Variants in FBXL14 observed in about 807,000 individuals in gnomAD.
FBXL14 encodes the protein F-box and leucine rich repeat protein 14.
FBXL14 carries 11 observed loss-of-function variants against 24.5 expected under a neutral mutation model. The observed-to-expected ratio is 0.45, with a 90% CI of 0.28 to 0.74. The LOEUF (loss-of-function observed/expected upper bound fraction) is 0.74. Among genes scored for constraint, FBXL14 ranks in the 30% least tolerant of loss-of-function variants. The probability of loss-of-function intolerance (pLI) is 0.12; values close to 1 mark genes in which losing one functional copy is unlikely to be tolerated. For missense variants in FBXL14, 384 were observed against 545.6 expected (o/e 0.70, Z 2.95); for synonymous variants, 294 against 240.4 (o/e 1.22, Z -2.06).
At chr12:1,572,439 A>G (rs1592457257) in intron 1 of FBXL14, among the ~76,000 whole-genome samples, 1 of 152,254 alleles carries the variant, frequency 6.6e-6, no homozygotes, top group South Asian at 2.1e-4. Context: ...TTTCAACACA[A>G]GAACATTTTG....
chr12:1,572,684 G>T (rs984078863), intron 1 of FBXL14, among the ~76,000 whole-genome samples: 1 of 152,192 alleles, frequency 6.6e-6, no homozygotes, highest in African/African-American at 2.4e-5. Context: ...CCCGGACAGC[G>T]TGCAGCAGAA....
chr12:1,566,705 G>A lies in FBXL14; in HGVS notation c.*43C>T. On this transcript the variant is annotated 3_prime_UTR_variant, in exon 2 of 2. Coordinates refer to ENST00000339235, the MANE Select transcript of FBXL14 (RefSeq NM_152441.3). ...CGGAGGCGCAGAGCGGGCAAGTCTG[G>A]AAGTTAAAGATCCACGGGAACCATG... The A allele has an allele frequency of 1.3e-6, 1 of 780,208 alleles. No individual in the cohort carries two copies. Among genetic ancestry groups the A allele is most frequent in the Non-Finnish European group, 2.4e-6 (1 of 417,740 alleles). The allele number at this position is 780,208 out of a possible 1,614,324, so 48.3% of individuals were successfully genotyped here.
intron 1 of FBXL14, among the ~76,000 whole-genome samples, chr12:1,585,786 C>T (rs559793313): frequency 6.6e-6 from 1 of 152,322 alleles, no homozygotes; most frequent in South Asian, 2.1e-4. Flanking sequence ...GTAACTAAAA[C>T]ATCTGTGAAG....
chr12:1,592,794 G>A, intron 1 of FBXL14, 79 bp downstream of exon 1: 1 of 1,212,396 alleles, frequency 8.2e-7, no homozygotes, highest in Non-Finnish European at 1.1e-6. Context: ...AAGTGTGCGT[G>A]TGAGTGTGTG....
rs531369140 is a variant in FBXL14 at position 1,573,944 on chromosome 12, T to G, written c.1195-7134A>C. On this transcript the variant is annotated intron_variant, in intron 1 of 1. Transcript: ENST00000339235. Reference sequence around the variant, plus strand: ...CGCTTGAACCTGGGAGGTGGAGGTTTTGGTGAGCTGAGATCGCACCATTGC... The same window carrying G: ...CGCTTGAACCTGGGAGGTGGAGGTTGTGGTGAGCTGAGATCGCACCATTGC... Among the ~76,000 whole-genome samples, 132 of 151,830 alleles carry G rather than the reference T, an allele frequency of 8.7e-4. 2 individuals carry two copies. The highest frequency in any genetic ancestry group is 2.2e-3 in the African/African-American group (92 of 41,392).
intron 1 of FBXL14, among the ~76,000 whole-genome samples, chr12:1,574,412 G>T (rs2154437810): frequency 1.5e-5 from 1 of 64,664 alleles, no homozygotes; most frequent in African/African-American, 7.5e-5. Context: ...GAGGCTGGCG[G>T]CAGTGGTGTG....
intron 1 of FBXL14, among the ~76,000 whole-genome samples, chr12:1,578,470 A>C: frequency 6.6e-6 from 1 of 151,720 alleles, no homozygotes; most frequent in Non-Finnish European, 1.5e-5. Flanking sequence ...GTGAAACCCC[A>C]TATCTACTAA....
chr12:1,586,761 T>G (rs988482355), intron 1 of FBXL14, among the ~76,000 whole-genome samples: 1 of 152,214 alleles, frequency 6.6e-6, no homozygotes, highest in African/African-American at 2.4e-5. Flanking sequence ...AACATTGTGT[T>G]ATGACTGAGT....
At chr12:1,566,928 G>A (rs1165034020) in intron 1 of FBXL14, 118 bp from the exon 2 acceptor site, 2 of 645,418 alleles carry the variant, frequency 3.1e-6, no homozygotes, top group Admixed American at 2.3e-5. Context: ...CTGACCTGGG[G>A]GAAGGGAAAC....
At position 1,567,537 on chromosome 12, in the gene FBXL14, G is replaced by A. The variant is rs905775851; in HGVS notation, c.1195-727C>T. ...ATGAAATAAGAATCAAATAACACATGTTGAAGGGACAGAGCAAGCTTCACA... is the reference window on the plus strand; with the variant it reads ...ATGAAATAAGAATCAAATAACACATATTGAAGGGACAGAGCAAGCTTCACA... On this transcript the variant is annotated intron_variant, in intron 1 of 1. Transcript: ENST00000339235. This position sits in a 1 kb window ranked among gnomAD's most constrained non-coding sequence, Gnocchi z 4.8. Among the ~76,000 whole-genome samples the A allele has an allele frequency of 7.9e-5, 12 of 152,058 alleles. No homozygotes were observed. Among genetic ancestry groups the A allele is most frequent in the African/African-American group, 2.9e-4 (12 of 41,404 alleles).
intron 1 of FBXL14, among the ~76,000 whole-genome samples, chr12:1,583,353 G>T (rs544941920): frequency 2.2e-4 from 34 of 151,412 alleles, no homozygotes; most frequent in Admixed American, 1.1e-3. Flanking sequence ...TGTATGAAGT[G>T]CCCTTTAAGA....
In FBXL14 at chr12:1,567,702, C is replaced by CT. The variant is rs2094438560; in HGVS notation, c.1195-893dup. ...GCAATGAAAGCAGGGAGATGGGAATCTAAGAAAAAACCAAATGAAGTGACA... is the reference window on the plus strand; with the variant it reads ...GCAATGAAAGCAGGGAGATGGGAATCTTAAGAAAAAACCAAATGAAGTGACA... On this transcript the variant is annotated intron_variant, in intron 1 of 1. Transcript: ENST00000339235. This position sits in a 1 kb window ranked among gnomAD's most constrained non-coding sequence, Gnocchi z 4.8. 6.6e-6 allele frequency among the ~76,000 whole-genome samples: 1 copy of CT among 152,086 alleles called. No homozygotes were observed. The highest frequency in any genetic ancestry group is 2.1e-4 in the South Asian group (1 of 4,828).
At chr12:1,577,443 CTT>C (rs1156631573) in intron 1 of FBXL14, among the ~76,000 whole-genome samples, 2 of 151,340 alleles carry the variant, frequency 1.3e-5, no homozygotes, top group African/African-American at 4.9e-5. Context: ...AAAAAAAGGA[CTT>C]ATGTATTATT....
intron 1 of FBXL14, among the ~76,000 whole-genome samples, chr12:1,589,743 T>C (rs2094485253): frequency 6.6e-6 from 1 of 152,172 alleles, no homozygotes; most frequent in African/African-American, 2.4e-5. Flanking sequence ...CTCTAGGTGG[T>C]TTATCATCTT....
At chr12:1,573,519 G>A (rs758038401) in intron 1 of FBXL14, among the ~76,000 whole-genome samples, 1 of 152,208 alleles carries the variant, frequency 6.6e-6, no homozygotes, top group Non-Finnish European at 1.5e-5. Context: ...GTGATGTAAA[G>A]AGGATGTAAC....
chr12:1,573,272 G>GACC (rs1261761519), intron 1 of FBXL14, among the ~76,000 whole-genome samples: 2 of 152,180 alleles, frequency 1.3e-5, no homozygotes, highest in Non-Finnish European at 2.9e-5. Context: ...CTGACCCCTA[G>GACC]ACCAGGTCAG....
At position 1,574,489 on chromosome 12, in the gene FBXL14, T is replaced by TGGGGTGAGAGGA. The variant is rs1565583226; in HGVS notation, c.1195-7680_1195-7679insTCCTCTCACCCC. On this transcript the variant is annotated intron_variant, in intron 1 of 1. Coordinates refer to ENST00000339235, the MANE Select transcript of FBXL14 (RefSeq NM_152441.3). ...GGTGGAGGCTGGGGTGAGGGGAGGC[T>TGGGGTGAGAGGA]GGCAGCAGCGGTGTGGATGGAGGCT... Among the ~76,000 whole-genome samples the TGGGGTGAGAGGA allele has an allele frequency of 1.1e-4, 6 of 55,612 alleles. 2 individuals are homozygous for TGGGGTGAGAGGA. Among genetic ancestry groups the TGGGGTGAGAGGA allele is most frequent in the Admixed American group, 2.1e-4 (1 of 4,848 alleles). 36.5% of individuals were successfully genotyped at this position (55,612 alleles called of 152,430 possible).
rs760542495 is a variant in FBXL14, at chr12:1,592,966, G to C, written c.1101C>G (p.Thr367=). ...QLTGIDLYGC[T]RITKRGLERI... ...GCTCCAGGCCGCGCTTGGTGATTCG[G>C]GTGCAGCCGTACAGGTCTATGCCGG... Residue 367 remains threonine, a synonymous_variant, in exon 1 of 2, where the codon ACC becomes ACG. Transcript: ENST00000339235. The C allele has an allele frequency of 1.2e-6, 2 of 1,613,220 alleles. No homozygotes were observed. The highest frequency in any genetic ancestry group is 1.7e-5 in the Admixed American group (1 of 60,012).
rs141368664 is a variant in FBXL14 at position 1,579,424 on chromosome 12, A to G, written c.1195-12614T>C. ...TGAGGTCAGGAGTTCAAGACCAGCT[A>G]TGGTCAACATGGTGAAACCCCGTCT... is the stretch of plus-strand genomic sequence containing the variant. On this transcript the variant is annotated intron_variant, in intron 1 of 1. Coordinates refer to ENST00000339235, the MANE Select transcript of FBXL14 (RefSeq NM_152441.3). This position sits in a 1 kb window ranked among gnomAD's most constrained non-coding sequence, Gnocchi z 4.3. Among the ~76,000 whole-genome samples, 1 of 152,108 alleles carries G rather than the reference A, an allele frequency of 6.6e-6. No homozygotes were observed. The highest frequency in any genetic ancestry group is 1.5e-5 in the Non-Finnish European group (1 of 67,970).
Sources: allele counts gnomAD v4.1 joint callset (sites outside exome capture counted in the v4.1 genomes callset), GRCh38; gene constraint gnomAD v4.1.1; non-coding constraint Gnocchi (gnomAD v3.1); transcripts MANE v1.5; gene names NCBI Gene and HGNC (gene_info 2026-07-23, HGNC 2026-07-21).